Variants in PRMT3 observed in about 807,000 individuals in gnomAD.
PRMT3 encodes protein arginine methyltransferase 3, also known as protein arginine N-methyltransferase 3.
In PRMT3, 62 loss-of-function variants were observed where a neutral mutation model predicts 71.9. That is an observed-to-expected ratio of 0.86 (90% confidence interval 0.70 to 1.07). The LOEUF (loss-of-function observed/expected upper bound fraction) is 1.07, where lower values mean the gene tolerates loss of function less well. Ranked by LOEUF, PRMT3 falls within the 50% of genes least tolerant of loss-of-function variation. The pLI is 0.00. For synonymous variants in PRMT3, 213 were observed against 220.4 expected (o/e 0.97, Z 0.30); for missense variants, 663 against 643.0 (o/e 1.03, Z -0.34).
chr11:20,417,172 A>G (rs1396361105), intron 9 of PRMT3, among the ~76,000 whole-genome samples: 1 of 152,154 alleles, frequency 6.6e-6, no homozygotes, highest in Non-Finnish European at 1.5e-5. Context: ...TCACTGAATT[A>G]TGAGATTCTT....
At chr11:20,452,354 T>C in intron 11 of PRMT3, 146 bp downstream of exon 11, 1 of 616,916 alleles carries the variant, frequency 1.6e-6, no homozygotes, top group Non-Finnish European at 2.8e-6. Context: ...TTAAGACATT[T>C]GTTTACTATA....
At chr11:20,499,284 A>G (rs1293900056) in intron 15 of PRMT3, among the ~76,000 whole-genome samples, 2 of 152,196 alleles carry the variant, frequency 1.3e-5, no homozygotes, top group Non-Finnish European at 2.9e-5. Context: ...CTAATAATTT[A>G]CTGGTGGAGA....
intron 13 of PRMT3, among the ~76,000 whole-genome samples, chr11:20,481,714 G>A (rs1438407059): frequency 2.0e-5 from 3 of 152,118 alleles, no homozygotes; most frequent in Non-Finnish European, 4.4e-5. Context: ...ATTCTGTCTA[G>A]TTCTAATATT....
intron 3 of PRMT3, among the ~76,000 whole-genome samples, chr11:20,391,471 G>A (rs1047582311): frequency 3.9e-5 from 6 of 152,138 alleles, no homozygotes; most frequent in Non-Finnish European, 7.4e-5. Flanking sequence ...TGGAACTCCC[G>A]ACCTCAGGTG....
intron 9 of PRMT3, among the ~76,000 whole-genome samples, chr11:20,415,715 G>A (rs1849290179): frequency 6.6e-6 from 1 of 152,060 alleles, no homozygotes; most frequent in Non-Finnish European, 1.5e-5. Flanking sequence ...CCCAAACCAG[G>A]TAACAAGTGT....
intron 13 of PRMT3, among the ~76,000 whole-genome samples, chr11:20,471,593 C>T (rs989497426): frequency 1.3e-5 from 2 of 152,072 alleles, no homozygotes; most frequent in African/African-American, 4.8e-5. Flanking sequence ...GTACCAGTAC[C>T]ATGCTGTTTT....
At chr11:20,472,578 T>G (rs35953925) in intron 13 of PRMT3, among the ~76,000 whole-genome samples, 3,478 of 152,208 alleles carry the variant, frequency 0.023, 127 homozygotes, top group African/African-American at 0.077. Context: ...TTTGCCAATA[T>G]TTTGTTGAGG....
intron 9 of PRMT3, among the ~76,000 whole-genome samples, chr11:20,422,938 C>T (rs1280476354): frequency 6.6e-6 from 1 of 152,190 alleles, no homozygotes; most frequent in Non-Finnish European, 1.5e-5. Flanking sequence ...AACCCATCCA[C>T]CCCATTTGAA....
intron 7 of PRMT3, among the ~76,000 whole-genome samples, chr11:20,401,945 A>G (rs191266034): frequency 0.011 from 1,723 of 152,294 alleles, 35 homozygotes; most frequent in African/African-American, 0.038. Flanking sequence ...TTTTACAGAC[A>G]AAACAGGAAT....
intron 13 of PRMT3, among the ~76,000 whole-genome samples, chr11:20,488,394 C>G (rs1851129438): frequency 6.6e-6 from 1 of 152,148 alleles, no homozygotes; most frequent in Admixed American, 6.5e-5. Context: ...TTGCTTGCTT[C>G]AGACTCATCA....
At chr11:20,442,256 C>G (rs1465823773) in intron 10 of PRMT3, among the ~76,000 whole-genome samples, 1 of 151,356 alleles carries the variant, frequency 6.6e-6, no homozygotes, top group African/African-American at 2.4e-5. Context: ...TTCACCTATT[C>G]TGTTACCAAC....
At chr11:20,444,714 T>A (rs1328636384) in intron 10 of PRMT3, among the ~76,000 whole-genome samples, 1 of 152,206 alleles carries the variant, frequency 6.6e-6, no homozygotes, top group Non-Finnish European at 1.5e-5. Flanking sequence ...TAGAATGAAG[T>A]ACCTACTCTG....
At chr11:20,408,078 TG>T in intron 9 of PRMT3, 46 bp downstream of exon 9, 1 of 1,353,740 alleles carries the variant, frequency 7.4e-7, no homozygotes, top group South Asian at 1.4e-5. Context: ...TAAAATTTAA[TG>T]ATTATTTAAT....
rs758040859 is a variant in PRMT3, at chr11:20,462,201, G to A, written c.1260+34G>A. On this transcript the variant is annotated intron_variant, in intron 12 of 15. Transcript: ENST00000331079. The stretch of plus-strand genomic sequence containing the variant: ...TTTACCAACTTTATTTTTTATAATG[G>A]TATTGCTATTTTTCTTAGTTCAGCA... 10 of 1,492,440 alleles carry A rather than the reference G, an allele frequency of 6.7e-6. No homozygotes were observed. In the Admixed American group the frequency reaches 7.8e-5, roughly 12 times the overall value. 92.4% of individuals were successfully genotyped at this position (1,492,440 alleles called of 1,614,324 possible).
In PRMT3 at chr11:20,508,538, A is replaced by G. The variant is rs771084706; in HGVS notation, c.*125A>G. The G allele has an allele frequency of 1.1e-5, 8 of 732,340 alleles. No individual in the cohort carries two copies. The highest frequency in any genetic ancestry group is 2.0e-5 in the Non-Finnish European group (8 of 400,384). The allele number at this position is 732,340 out of a possible 1,614,324, so 45.4% of individuals were successfully genotyped here. On this transcript the variant is annotated 3_prime_UTR_variant, in exon 16 of 16. Coordinates refer to ENST00000331079, the MANE Select transcript of PRMT3 (RefSeq NM_005788.4). ...GACCCTTTCCTAATGAGCCTCCTCA[A>G]TAAGAGAGAAGTTCTCATTGTGGGA...
At chr11:20,417,548 A>G (rs915289633) in intron 9 of PRMT3, among the ~76,000 whole-genome samples, 5 of 152,176 alleles carry the variant, frequency 3.3e-5, no homozygotes, top group Admixed American at 6.5e-5. Context: ...CGTATCTTTT[A>G]CCTAAATCAC....
intron 9 of PRMT3, among the ~76,000 whole-genome samples, chr11:20,411,734 A>G (rs1565200613): frequency 6.6e-6 from 1 of 152,280 alleles, no homozygotes; most frequent in African/African-American, 2.4e-5. Flanking sequence ...AACATTTTGC[A>G]TAGAGCACAT....
chr11:20,429,808 T>C (rs1240002722), intron 10 of PRMT3, among the ~76,000 whole-genome samples: 1 of 152,232 alleles, frequency 6.6e-6, no homozygotes, highest in Non-Finnish European at 1.5e-5. Context: ...CTGGATGGCC[T>C]TATTTCTCTG....
At chr11:20,426,704 T>C (rs983564652) in intron 9 of PRMT3, 62 bp from the exon 10 acceptor site, 6 of 1,337,772 alleles carry the variant, frequency 4.5e-6, no homozygotes, top group Admixed American at 3.8e-5. Flanking sequence ...CAAAAAATTA[T>C]GTAATTTAAC....
Sources: gnomAD v4.1 joint callset for allele counts (sites outside exome capture counted in the v4.1 genomes callset) on GRCh38, gnomAD v4.1.1 for gene constraint, MANE v1.5 for transcripts, NCBI Gene and HGNC (gene_info 2026-07-23, HGNC 2026-07-21) for gene names.